PI4KB: variants seen among roughly 807,000 people sequenced by gnomAD.
PI4KB encodes phosphatidylinositol 4-kinase beta.
In PI4KB, 23 loss-of-function variants were observed where a neutral mutation model predicts 81.4. That is an observed-to-expected ratio of 0.28 (90% CI 0.20 to 0.40). The LOEUF is 0.40. PI4KB is among the 10% of genes least tolerant of loss of function. PI4KB has a pLI of 1.00. For missense variants in PI4KB, 651 were observed against 1,036.6 expected, an observed-to-expected ratio of 0.63 and a Z score of 5.11; for synonymous variants, 381 against 406.8, an observed-to-expected ratio of 0.94 and a Z score of 0.76.
chr1:151,306,452 C>A, intron 4 of PI4KB, 89 bp from the exon 5 acceptor site: 1 of 800,486 alleles, frequency 1.2e-6, no homozygotes, highest in Non-Finnish European at 2.1e-6. Context: ...TCCTGCTGTC[C>A]TTTCTCCTAG....
At chr1:151,304,978 T>C (rs961696982) in intron 5 of PI4KB, among the ~76,000 whole-genome samples, 1 of 151,952 alleles carries the variant, frequency 6.6e-6, no homozygotes, top group African/African-American at 2.4e-5. Context: ...TACAGGCACA[T>C]GCCACCACGC....
chr1:151,313,407 GTTAGA>G (rs1372629729), intron 2 of PI4KB, among the ~76,000 whole-genome samples: 8 of 152,190 alleles, frequency 5.3e-5, no homozygotes, highest in Admixed American at 4.6e-4. Flanking sequence ...TGGAGTGGGA[GTTAGA>G]TGTAAGGAAA....
intron 6 of PI4KB, 118 bp from the exon 7 acceptor site, chr1:151,302,416 C>T (rs1695358691): frequency 1.4e-6 from 1 of 708,906 alleles, no homozygotes; most frequent in African/African-American, 1.8e-5. Context: ...GATAGGAACC[C>T]AGGCTGAAAG....
At chr1:151,298,722 G>A (rs1462164150) in intron 9 of PI4KB, 86 bp downstream of exon 9, 1 of 1,332,192 alleles carries the variant, frequency 7.5e-7, no homozygotes, top group Non-Finnish European at 1.1e-6. Flanking sequence ...TGCCATGGAG[G>A]GCAGTAATAA....
Position 151,307,569 on chromosome 1 carries a change from T to A in PI4KB, c.1182+5A>T. 6.2e-7 allele frequency: 1 copy of A among 1,604,752 alleles called. No homozygotes were observed. The highest frequency in any genetic ancestry group is 8.5e-7 in the Non-Finnish European group (1 of 1,171,598). ...GGGTAGGGGTTTGGGCCAGAACCCATCTACCTTGTCCTTGGAGTTGAGGAC... is the reference window on the plus strand; with the variant it reads ...GGGTAGGGGTTTGGGCCAGAACCCAACTACCTTGTCCTTGGAGTTGAGGAC... On this transcript the variant is annotated splice_donor_5th_base_variant and intron_variant, in intron 4 of 11. Transcript: ENST00000368873.
intron 8 of PI4KB, chr1:151,300,862 A>G (rs1410964712): frequency 1.3e-5 from 2 of 152,308 alleles, no homozygotes; most frequent in African/African-American, 4.8e-5. Flanking sequence ...CGGACACCCA[A>G]TTGGCATAGT....
intron 5 of PI4KB, among the ~76,000 whole-genome samples, chr1:151,304,202 TCTC>T (rs1695538090): frequency 6.6e-6 from 1 of 152,194 alleles, no homozygotes. Flanking sequence ...GAGCATTTCT[TCTC>T]AACTCCATTT....
At position 151,294,083 on chromosome 1, in the gene PI4KB, T is replaced by TG; in HGVS notation, c.2203dup (p.Gln735ProfsTer48). ...GTGTTTCCGAGCGGCAATCAGCCCT[T>TG]GCAGCATCAGCATCTTATAGTAGTT... On this transcript the variant is annotated frameshift_variant, in exon 11 of 12. Coordinates refer to ENST00000368873, the MANE Select transcript of PI4KB (RefSeq NM_001369623.2). LOFTEE classifies it high-confidence loss of function. 6.2e-7 allele frequency: 1 copy of TG among 1,614,098 alleles called. No individual in the cohort carries two copies. The highest frequency in any genetic ancestry group is 8.5e-7 in the Non-Finnish European group (1 of 1,179,988).
chr1:151,317,308 T>A (rs1648116260), intron 1 of PI4KB, among the ~76,000 whole-genome samples: 1 of 151,462 alleles, frequency 6.6e-6, no homozygotes, highest in South Asian at 2.1e-4. Context: ...CCTGGCTTAT[T>A]TTTAAATTTT....
At chr1:151,313,336 C>T (rs911641445) in intron 2 of PI4KB, among the ~76,000 whole-genome samples, 2 of 152,070 alleles carry the variant, frequency 1.3e-5, no homozygotes, top group African/African-American at 2.4e-5. Context: ...ACAGAACCCA[C>T]CCTAAATGAT....
intron 1 of PI4KB, among the ~76,000 whole-genome samples, chr1:151,324,418 T>C (rs925889950): frequency 6.6e-6 from 1 of 152,168 alleles, no homozygotes; most frequent in Admixed American, 6.6e-5. Context: ...TTGACCTCAA[T>C]GGTAAAGGTA....
At chr1:151,320,072 C>T (rs890326880) in intron 1 of PI4KB, among the ~76,000 whole-genome samples, 11 of 152,144 alleles carry the variant, frequency 7.2e-5, no homozygotes, top group Non-Finnish European at 1.3e-4. Context: ...CTCGCTCTGT[C>T]GCCCAGGCTG....
At chr1:151,321,130 A>T (rs780734073) in intron 1 of PI4KB, among the ~76,000 whole-genome samples, 2 of 152,176 alleles carry the variant, frequency 1.3e-5, no homozygotes, top group Non-Finnish European at 2.9e-5. Context: ...TTTGCTACTG[A>T]ACAGACTCTC....
intron 11 of PI4KB, chr1:151,293,357 T>TA (rs2101899193): frequency 7.4e-7 from 1 of 1,342,666 alleles, no homozygotes; most frequent in Non-Finnish European, 9.8e-7. Context: ...GCTGGGCACT[T>TA]ATCTGGTTGC....
intron 5 of PI4KB, among the ~76,000 whole-genome samples, chr1:151,304,989 C>T (rs1437957008): frequency 6.6e-6 from 1 of 151,980 alleles, no homozygotes; most frequent in African/African-American, 2.4e-5. Context: ...GCCACCACGC[C>T]CGGCTAATTT....
At chr1:151,306,409 AC>A (rs1311553469) in intron 4 of PI4KB, 46 bp from the exon 5 acceptor site, 7 of 1,226,472 alleles carry the variant, frequency 5.7e-6, no homozygotes, top group Non-Finnish European at 8.4e-6. Context: ...TCCACCACTA[AC>A]CCCCAAATCT....
intron 3 of PI4KB, among the ~76,000 whole-genome samples, chr1:151,308,730 C>CT (rs941526133): frequency 3.3e-4 from 50 of 152,288 alleles, no homozygotes; most frequent in African/African-American, 1.1e-3. Context: ...GAAAGGCTCT[C>CT]TTCCCAGTCT....
chr1:151,326,068 TA>T, intron 1 of PI4KB: 2 of 1,137,114 alleles, frequency 1.8e-6, no homozygotes, highest in Non-Finnish European at 2.7e-6. Context: ...ACCACAAGAA[TA>T]AACTGATTCC....
intron 2 of PI4KB, among the ~76,000 whole-genome samples, chr1:151,311,181 G>A (rs1696188589): frequency 1.3e-5 from 2 of 152,160 alleles, no homozygotes; most frequent in South Asian, 4.2e-4. Flanking sequence ...TCATGCACAG[G>A]GCTCATCCTG....
Sources: gnomAD v4.1 joint callset for allele counts (sites outside exome capture counted in the v4.1 genomes callset) on GRCh38, gnomAD v4.1.1 for gene constraint, MANE v1.5 for transcripts, NCBI Gene and HGNC (gene_info 2026-07-23, HGNC 2026-07-21) for gene names.